CSMD2: variants seen among roughly 807,000 people sequenced by gnomAD.
The protein encoded by CSMD2 is CUB and sushi domain-containing protein 2.
CSMD2 carries 130 observed loss-of-function variants against 398.5 expected under a neutral mutation model. The observed-to-expected ratio is 0.33, with a 90% CI of 0.28 to 0.38. CSMD2 has a LOEUF of 0.38. Among genes scored for constraint, CSMD2 ranks in the 10% least tolerant of loss-of-function variants. The pLI, the probability that CSMD2 is intolerant of heterozygous loss-of-function variation, is 1.00. For synonymous variants in CSMD2, 1,828 were observed against 1,908.5 expected (o/e 0.96, Z 1.10); for missense variants, 3,829 against 4,764.9 (o/e 0.80, Z 5.78).
At chr1:34,094,467 T>C (rs1295606896) in intron 1 of CSMD2, among the ~76,000 whole-genome samples, 2 of 151,936 alleles carry the variant, frequency 1.3e-5, no homozygotes, top group Non-Finnish European at 2.9e-5. Flanking sequence ...GACTGGCAAA[T>C]TGGATAAAGA....
chr1:33,954,095 T>C (rs1280788874), intron 3 of CSMD2, among the ~76,000 whole-genome samples: 1 of 152,164 alleles, frequency 6.6e-6, no homozygotes, highest in African/African-American at 2.4e-5. Flanking sequence ...CCCAGGCAGA[T>C]AATCCATGCA....
chr1:33,749,255 C>T (rs769140573), intron 13 of CSMD2, among the ~76,000 whole-genome samples: 7 of 151,912 alleles, frequency 4.6e-5, no homozygotes, highest in Admixed American at 6.6e-5. Flanking sequence ...CCTGCCACCT[C>T]GCCCGGCTAA....
intron 1 of CSMD2, among the ~76,000 whole-genome samples, chr1:34,154,710 T>C (rs1358124668): frequency 1.4e-5 from 2 of 146,344 alleles, no homozygotes; most frequent in East Asian, 4.1e-4. Context: ...ACCCTACACA[T>C]TTTATAAGGA....
chr1:33,795,683 C>T (rs539398845), intron 10 of CSMD2, among the ~76,000 whole-genome samples: 3 of 152,350 alleles, frequency 2.0e-5, no homozygotes, highest in Non-Finnish European at 2.9e-5. Context: ...CCCTTCCTCT[C>T]GTCTGTTTTA....
intron 1 of CSMD2, among the ~76,000 whole-genome samples, chr1:34,123,241 C>T (rs749901723): frequency 1.3e-5 from 2 of 152,138 alleles, no homozygotes; most frequent in Non-Finnish European, 2.9e-5. Context: ...TCACCAATGG[C>T]CAATGGCTTA....
At chr1:33,909,608 G>A (rs902842032) in intron 5 of CSMD2, among the ~76,000 whole-genome samples, 1 of 152,118 alleles carries the variant, frequency 6.6e-6, no homozygotes, top group African/African-American at 2.4e-5. Flanking sequence ...ATGATTGAAT[G>A]ATGATGGAGA....
At chr1:33,535,192 A>G (rs1330120703) in intron 62 of CSMD2, among the ~76,000 whole-genome samples, 2 of 152,240 alleles carry the variant, frequency 1.3e-5, no homozygotes, top group Admixed American at 6.5e-5. Context: ...GTATAATAAT[A>G]AAATGGATAT....
Position 33,742,589 on chromosome 1 carries a change from C to CCT in CSMD2, c.2173+690_2173+691insAG, listed in dbSNP as rs1490646541. On this transcript the variant is annotated intron_variant, in intron 14 of 70. Transcript: ENST00000373381. ...TCACCAAGCTTCTGCCCCCCCCCCC[C>CCT]CAACCCCCTCTGTAACCACGAGATA... Among the ~76,000 whole-genome samples the CCT allele has an allele frequency of 8.5e-5, 12 of 141,922 alleles. 1 individual carries two copies. The highest frequency in any genetic ancestry group is 1.4e-4 in the Non-Finnish European group (9 of 65,168). 93.1% of individuals were successfully genotyped at this position (141,922 alleles called of 152,430 possible).
At chr1:33,861,786 G>A (rs553718964) in intron 5 of CSMD2, among the ~76,000 whole-genome samples, 1 of 152,294 alleles carries the variant, frequency 6.6e-6, no homozygotes, top group Admixed American at 6.5e-5. Flanking sequence ...GATAAAGAAA[G>A]GGGGCAATGC....
rs536847111 is a variant in CSMD2 at position 33,722,133 on chromosome 1, TC to T, written c.3001+2063del. ...GGACATTTTAATAGTTCTTAATTTT[TC>T]AGTATAATACATAATATCTTAGGGG... is the stretch of plus-strand genomic sequence containing the variant. On this transcript the variant is annotated intron_variant, in intron 19 of 70. Transcript: ENST00000373381. Among the ~76,000 whole-genome samples, 7 of 152,356 alleles carry T rather than the reference TC, an allele frequency of 4.6e-5. No homozygotes were observed. In the East Asian group the frequency reaches 1.3e-3, roughly 29 times the overall value.
At chr1:33,672,100 C>T (rs140286163) in intron 25 of CSMD2, among the ~76,000 whole-genome samples, 2,875 of 152,144 alleles carry the variant, frequency 0.019, 85 homozygotes, top group African/African-American at 0.064. Context: ...ACTGAGGTAC[C>T]GGGTTCATCT....
intron 5 of CSMD2, among the ~76,000 whole-genome samples, chr1:33,848,348 G>A (rs1638438081): frequency 6.6e-6 from 1 of 152,136 alleles, no homozygotes; most frequent in African/African-American, 2.4e-5. Flanking sequence ...GCCAATTTGT[G>A]AAAAGCCCAT....
chr1:34,089,269 GT>G, intron 1 of CSMD2, 76 bp from the exon 2 acceptor site: 2 of 1,380,748 alleles, frequency 1.4e-6, no homozygotes, highest in Non-Finnish European at 2.0e-6. Flanking sequence ...GGAGCAATGT[GT>G]TAGCAAATCA....
intron 3 of CSMD2, among the ~76,000 whole-genome samples, chr1:34,002,661 AT>A (rs760428283): frequency 7.2e-5 from 11 of 152,162 alleles, no homozygotes; most frequent in South Asian, 2.1e-4. Flanking sequence ...TAAATTTTAA[AT>A]TTTCCCATGT....
chr1:33,878,349 A>C (rs1216560409), intron 5 of CSMD2: 1 of 152,306 alleles, frequency 6.6e-6, no homozygotes, highest in Non-Finnish European at 1.5e-5. Flanking sequence ...ACAGCATCAC[A>C]GGTGAGTGGG....
intron 3 of CSMD2, among the ~76,000 whole-genome samples, chr1:33,999,258 G>A (rs901947896): frequency 1.2e-4 from 19 of 152,328 alleles, no homozygotes; most frequent in Admixed American, 1.2e-3. Context: ...GAGAGGACGG[G>A]CAGTGGGAAG....
rs1641014702 is a variant in CSMD2 at position 33,878,614 on chromosome 1, C to T, written c.921-31618G>A. ...CCCAGGAGCACAATTCAGTGAACAG[C>T]CCTCATTGATCTGTTTACCTGCTTG... On this transcript the variant is annotated intron_variant, in intron 5 of 70. Transcript: ENST00000373381. Among the ~76,000 whole-genome samples, 3 of 152,200 alleles carry T rather than the reference C, an allele frequency of 2.0e-5. No individual in the cohort carries two copies. The South Asian group carries it at 6.2e-4, about 31-fold the overall frequency.
intron 5 of CSMD2, among the ~76,000 whole-genome samples, chr1:33,851,922 C>CTT (rs550120572): frequency 2.0e-5 from 3 of 147,530 alleles, no homozygotes; most frequent in Non-Finnish European, 3.0e-5. Context: ...CCTCCCAAGG[C>CTT]TTTTTTTTTT....
rs570808186 is a variant in CSMD2, at chr1:34,117,330, T to C, written c.188-28137A>G. Among the ~76,000 whole-genome samples the C allele has an allele frequency of 2.6e-5, 4 of 152,166 alleles. 1 individual carries two copies. The highest frequency in any genetic ancestry group is 5.9e-5 in the Non-Finnish European group (4 of 67,968). On this transcript the variant is annotated intron_variant, in intron 1 of 70. Transcript: ENST00000373381. Reference sequence around the variant, plus strand: ...GATTATAAAAGACTACAATGAACAATTGTATGCCAACAAATTGGATAACCT... The same window carrying C: ...GATTATAAAAGACTACAATGAACAACTGTATGCCAACAAATTGGATAACCT...
Sources: gnomAD v4.1 joint callset for allele counts (sites outside exome capture counted in the v4.1 genomes callset) on GRCh38, gnomAD v4.1.1 for gene constraint, MANE v1.5 for transcripts, NCBI Gene and HGNC (gene_info 2026-07-23, HGNC 2026-07-21) for gene names.